ASGR2: variants seen among roughly 807,000 people sequenced by gnomAD.
ASGR2 encodes C-type lectin domain family 4 member H2.
In ASGR2, 34 loss-of-function variants were observed where a neutral mutation model predicts 32.3. The ratio of observed to expected loss-of-function variants is 1.05; its 90% confidence interval spans 0.80 to 1.40. The LOEUF (loss-of-function observed/expected upper bound fraction) is 1.40, where lower values mean the gene tolerates loss of function less well. Among genes scored for constraint, ASGR2 ranks in the 40% most tolerant of loss-of-function variants. The pLI is 0.00. For missense variants in ASGR2, 385 were observed against 386.4 expected (o/e 1.00, Z 0.03); for synonymous variants, 143 against 150.0 (o/e 0.95, Z 0.34).
rs148071438 is a variant in ASGR2, at chr17:7,111,727, G to A, written c.124+2390C>T. Among the ~76,000 whole-genome samples, 33 of 150,424 alleles carry A rather than the reference G, an allele frequency of 2.2e-4. 1 individual carries two copies. In the East Asian group the frequency reaches 5.8e-3, roughly 27 times the overall value. On this transcript the variant is annotated intron_variant, in intron 2 of 8. Transcript: ENST00000691900. Reference sequence around the variant, plus strand: ...GGAAATAATGGAAGATGAGAAATGCGTAAGAAAAATTTAGGGCCAGGCACT... The same window carrying A: ...GGAAATAATGGAAGATGAGAAATGCATAAGAAAAATTTAGGGCCAGGCACT...
intron 2 of ASGR2, among the ~76,000 whole-genome samples, chr17:7,111,994 G>C (rs370347918): frequency 9.5e-6 from 1 of 105,214 alleles, no homozygotes; most frequent in African/African-American, 3.6e-5. Context: ...AGTGAGTTGT[G>C]ACAAGCTACT....
Position 7,107,228 on chromosome 17 carries a change from T to G in ASGR2, c.496+3A>C. 1 of 1,614,104 alleles carries G rather than the reference T, an allele frequency of 6.2e-7. No individual in the cohort carries two copies. The highest frequency in any genetic ancestry group is 2.2e-5 in the East Asian group (1 of 44,874). ...CTGGGCCTGGAGACGGCCCCACCCC[T>G]ACCGTTGCTGTGGAGGAGCTCCATC... On this transcript the variant is annotated splice_donor_region_variant and intron_variant, in intron 6 of 8. Coordinates refer to ENST00000691900, the MANE Select transcript of ASGR2 (RefSeq NM_001201352.2). This position sits in a 1 kb window ranked among gnomAD's most constrained non-coding sequence, Gnocchi z 5.0.
Position 7,108,829 on chromosome 17 carries a change from G to A in ASGR2, c.184C>T (p.Leu62Phe), listed in dbSNP as rs1208583961. Residue 62 changes from leucine to phenylalanine, a missense_variant, in exon 3 of 9, where the codon CTT (leucine) becomes TTT (phenylalanine). Physicochemically the swap from Leu to Phe is conservative, Grantham distance 22. Transcript: ENST00000691900. The surrounding 1 kb of genome is among the most constrained non-coding windows in gnomAD (Gnocchi z 4.9). ...RLCSMVCFSL[L>F]ALSFNILLLV... is the part of the protein sequence containing the mutation. ...AGCAGGATGTTGAAGCTCAGGGCAA[G>A]CAGACTGAAGCAGACCATGGAGCAG... 1.2e-6 allele frequency: 2 copies of A among 1,613,560 alleles called. No individual in the cohort carries two copies. Among genetic ancestry groups the A allele is most frequent in the Admixed American group, 3.3e-5 (2 of 59,900 alleles).
rs370982548 is a variant in ASGR2, at chr17:7,101,547, G to T, written c.*28C>A. On this transcript the variant is annotated 3_prime_UTR_variant, in exon 9 of 9. Transcript: ENST00000691900. Reference sequence around the variant, plus strand: ...GAAGCCAGAGCTGGGCAGGTGTGGGGTATGGGTTAGCCAGAGGTGTGCTGG... The same window carrying T: ...GAAGCCAGAGCTGGGCAGGTGTGGGTTATGGGTTAGCCAGAGGTGTGCTGG... The T allele has an allele frequency of 4.4e-6, 7 of 1,607,800 alleles. No homozygotes were observed. Among genetic ancestry groups the T allele is most frequent in the Non-Finnish European group, 6.0e-6 (7 of 1,175,766 alleles).
intron 2 of ASGR2, among the ~76,000 whole-genome samples, chr17:7,111,017 A>C (rs1567769876): frequency 6.6e-6 from 1 of 152,216 alleles, no homozygotes; most frequent in Non-Finnish European, 1.5e-5. Flanking sequence ...TCAAACGATC[A>C]AACTGACTCT....
At chr17:7,104,630 G>A (rs747612784) in intron 7 of ASGR2, among the ~76,000 whole-genome samples, 7 of 151,956 alleles carry the variant, frequency 4.6e-5, no homozygotes, top group East Asian at 1.9e-4. Flanking sequence ...CAGCCTGGGC[G>A]AAAGAGCAAG....
chr17:7,108,604 C>T lies in ASGR2; in HGVS notation c.242-47G>A. 4 of 1,604,518 alleles carry T rather than the reference C, an allele frequency of 2.5e-6. No individual in the cohort carries two copies. The highest frequency in any genetic ancestry group is 1.1e-5 in the South Asian group (1 of 90,126). On this transcript the variant is annotated intron_variant, in intron 3 of 8. Coordinates refer to ENST00000691900, the MANE Select transcript of ASGR2 (RefSeq NM_001201352.2). The surrounding 1 kb of genome is among the most constrained non-coding windows in gnomAD (Gnocchi z 4.9). ...CAGGATGAGGCAGAGGGGCCGTGTCCCCATCACTGTCCATGTGACTGGCCC... is the reference window on the plus strand; with the variant it reads ...CAGGATGAGGCAGAGGGGCCGTGTCTCCATCACTGTCCATGTGACTGGCCC...
chr17:7,103,765 TG>T (rs1279190626), intron 7 of ASGR2, among the ~76,000 whole-genome samples: 8 of 152,174 alleles, frequency 5.3e-5, no homozygotes, highest in African/African-American at 1.9e-4. Flanking sequence ...TATGAGGGGA[TG>T]TTGGAGAACA....
At chr17:7,109,378 C>T (rs1914331428) in intron 2 of ASGR2, among the ~76,000 whole-genome samples, 2 of 152,180 alleles carry the variant, frequency 1.3e-5, no homozygotes, top group South Asian at 4.1e-4. Flanking sequence ...AAGCTGGGCC[C>T]TGTGTTCTTC....
At chr17:7,111,638 A>C (rs1037582822) in intron 2 of ASGR2, among the ~76,000 whole-genome samples, 118 of 151,012 alleles carry the variant, frequency 7.8e-4, no homozygotes, top group Non-Finnish European at 1.4e-3. Context: ...CCTGGGCAAC[A>C]GAGCGAGACT....
At chr17:7,101,807 C>T in intron 8 of ASGR2, 67 bp from the exon 9 acceptor site, 1 of 1,558,624 alleles carries the variant, frequency 6.4e-7, no homozygotes, top group Middle Eastern at 1.7e-4. Flanking sequence ...CATCCTCCTC[C>T]TCTTCATGAC....
Position 7,108,761 on chromosome 17 carries a change from G to A in ASGR2, c.241+11C>T, listed in dbSNP as rs201742878. The A allele has an allele frequency of 1.9e-4, 312 of 1,613,850 alleles. No individual in the cohort carries two copies. The highest frequency in any genetic ancestry group is 1.6e-4 in the Middle Eastern group (1 of 6,084). ...CCCTTGCCCATCCCTGCTGGCCCCC[G>A]TGACCCTCACTTTGGGACCCAGTCA... On this transcript the variant is annotated intron_variant, in intron 3 of 8. Transcript: ENST00000691900. This position sits in a 1 kb window ranked among gnomAD's most constrained non-coding sequence, Gnocchi z 4.9.
intron 7 of ASGR2, among the ~76,000 whole-genome samples, chr17:7,102,853 G>A (rs548298316): frequency 6.6e-6 from 1 of 152,304 alleles, no homozygotes; most frequent in East Asian, 1.9e-4. Flanking sequence ...TGACAATCGG[G>A]GCAAAATAGG....
Position 7,107,703 on chromosome 17 carries a change from A to T in ASGR2, c.409+133T>A. 1 of 1,101,814 alleles carries T rather than the reference A, an allele frequency of 9.1e-7. No individual in the cohort carries two copies. The allele number at this position is 1,101,814 out of a possible 1,614,324, so 68.3% of individuals were successfully genotyped here. A position where few individuals can be genotyped will look rare whatever the true frequency, so the allele number is the denominator to read the frequency against. On this transcript the variant is annotated intron_variant, in intron 5 of 8. Transcript: ENST00000691900. The surrounding 1 kb of genome is among the most constrained non-coding windows in gnomAD (Gnocchi z 5.0). ...ACCACACATACGGAGAGAGACACAG[A>T]TACACATGCTTGCAGGCACACACAC...
intron 7 of ASGR2, among the ~76,000 whole-genome samples, chr17:7,104,348 T>A (rs1445019031): frequency 7.5e-5 from 6 of 79,818 alleles, no homozygotes; most frequent in East Asian, 4.1e-4. Context: ...AACTCTGTCT[T>A]AAAAAAAAAA....
At chr17:7,105,333 TAAAAG>T (rs138050911) in intron 7 of ASGR2, among the ~76,000 whole-genome samples, 13,616 of 152,186 alleles carry the variant, frequency 0.089, 630 homozygotes, top group East Asian at 0.15. Context: ...ACTCACCTAT[TAAAAG>T]AAAAGGTACT....
chr17:7,104,401 T>C lies in ASGR2; in HGVS notation c.649-2205A>G, dbSNP rs527933511. On this transcript the variant is annotated intron_variant, in intron 7 of 8. Coordinates refer to ENST00000691900, the MANE Select transcript of ASGR2 (RefSeq NM_001201352.2). ...GCGTAGTGGCTCATGCCTGTAATCC[T>C]AGCACTTTGGGAAGGCCAGGCGGGA... Among the ~76,000 whole-genome samples, 12 of 137,642 alleles carry C rather than the reference T, an allele frequency of 8.7e-5. No homozygotes were observed. In the South Asian group the frequency reaches 2.6e-3, roughly 30 times the overall value. 90.3% of individuals were successfully genotyped at this position (137,642 alleles called of 152,430 possible). A position where few individuals can be genotyped will look rare whatever the true frequency, so the allele number is the denominator to read the frequency against.
At chr17:7,104,779 A>T (rs938955392) in intron 7 of ASGR2, among the ~76,000 whole-genome samples, 4 of 152,118 alleles carry the variant, frequency 2.6e-5, no homozygotes, top group Admixed American at 2.6e-4. Context: ...GTTCAAGACC[A>T]GCCTGACCAA....
At position 7,111,472 on chromosome 17, in the gene ASGR2, T is replaced by A. The variant is rs314235; in HGVS notation, c.125-2584A>T. On this transcript the variant is annotated intron_variant, in intron 2 of 8. Transcript: ENST00000691900. ...GAGATCGACACCATCCTGGCTAACA[T>A]GGTGAAACCCCATCTCTACTAAAAA... Among the ~76,000 whole-genome samples the A allele has an allele frequency of 7.4e-4, 112 of 151,558 alleles. 1 individual carries two copies. The highest frequency in any genetic ancestry group is 2.6e-3 in the African/African-American group (107 of 41,284).
Sources: gnomAD v4.1 joint callset for allele counts (sites outside exome capture counted in the v4.1 genomes callset) on GRCh38, gnomAD v4.1.1 for gene constraint, Gnocchi (gnomAD v3.1) non-coding constraint, MANE v1.5 for transcripts, NCBI Gene and HGNC (gene_info 2026-07-23, HGNC 2026-07-21) for gene names.